Variants in SPTA1 observed in about 807,000 individuals in gnomAD.
SPTA1 encodes spectrin alpha, erythrocytic 1.
A neutral mutation model predicts 324.7 loss-of-function variants in SPTA1; 177 were observed. That is an observed-to-expected ratio of 0.55 (90% CI 0.48 to 0.62). The LOEUF (loss-of-function observed/expected upper bound fraction) is 0.62. SPTA1 is among the 20% of genes least tolerant of loss of function. The pLI is 0.00. For missense variants in SPTA1, 3,162 were observed against 2,883.6 expected, an observed-to-expected ratio of 1.10 and a Z score of -2.21; for synonymous variants, 1,195 against 1,041.3, an observed-to-expected ratio of 1.15 and a Z score of -2.84.
rs530352160 is a variant in SPTA1, at chr1:158,671,330, G to A, written c.1599+13C>T. On this transcript the variant is annotated intron_variant, in intron 12 of 51. Coordinates refer to ENST00000643759, the MANE Select transcript of SPTA1 (RefSeq NM_003126.4). ...AGAGGGAGCCAATGCCCAAACTAGG[G>A]CCAATTTCTTACTATGATCTTCTCT... is the stretch of plus-strand genomic sequence containing the variant. 14 of 1,608,730 alleles carry A rather than the reference G, an allele frequency of 8.7e-6. No individual in the cohort carries two copies. Among genetic ancestry groups the A allele is most frequent in the African/African-American group, 2.7e-5 (2 of 74,920 alleles).
chr1:158,651,246 C>G, intron 24 of SPTA1, 121 bp downstream of exon 24: 1 of 754,742 alleles, frequency 1.3e-6, no homozygotes, highest in Non-Finnish European at 2.4e-6. Flanking sequence ...TAATTCCATA[C>G]TGCTGTTACC....
In SPTA1 at chr1:158,652,749, G is replaced by T. The variant is rs375890450; in HGVS notation, c.3189-96C>A. On this transcript the variant is annotated intron_variant, in intron 22 of 51. Transcript: ENST00000643759. ...ACATAGAGAAAGAAGGAACAAAAAT[G>T]AAAGGGAAAACAAATCAAAAGCAAA... The T allele has an allele frequency of 6.4e-4, 900 of 1,400,184 alleles. 9 individuals carry two copies. In the South Asian group the frequency reaches 0.01, roughly 16 times the overall value. The allele number at this position is 1,400,184 out of a possible 1,614,324, so 86.7% of individuals were successfully genotyped here.
chr1:158,659,595 A>ATTTT lies in SPTA1; in HGVS notation c.2587+1688_2587+1691dup, dbSNP rs1177353050. ...AAAAGAAAATAATAGTCTTAGCATT[A>ATTTT]TTTTTTTTTTTTTTTTTTTTTTTTT... On this transcript the variant is annotated intron_variant, in intron 18 of 51. Transcript: ENST00000643759. Among the ~76,000 whole-genome samples the ATTTT allele has an allele frequency of 1.1e-3, 75 of 68,774 alleles. 22 individuals carry two copies. The South Asian group carries it at 0.021, about 19-fold the overall frequency. 45.1% of individuals were successfully genotyped at this position (68,774 alleles called of 152,430 possible). A position where few individuals can be genotyped will look rare whatever the true frequency, so the allele number is the denominator to read the frequency against.
Position 158,639,983 on chromosome 1 carries a change from G to A in SPTA1, c.4762C>T (p.His1588Tyr). 1 of 1,613,788 alleles carries A rather than the reference G, an allele frequency of 6.2e-7. No individual in the cohort carries two copies. The highest frequency in any genetic ancestry group is 1.1e-5 in the South Asian group (1 of 91,082). The change falls in exon 34 of 52, where the codon CAT becomes TAT. Residue 1588 changes from histidine (H) to tyrosine (Y), a missense_variant. Physicochemically the swap from His to Tyr is moderately conservative, Grantham distance 83. Transcript: ENST00000643759. ...GTTCTCTCAAGCAGATGATCCCAAT[G>A]TTCCTTCAGCTGTTCCAGTTGCTCC... ...MKEQLEQLKE[H>Y]WDHLLERTND...
rs1165876941 is a variant in SPTA1, at chr1:158,635,917, C to A, written c.5428G>T (p.Ala1810Ser). Residue 1810 changes from alanine to serine, a missense_variant, in exon 38 of 52, where the codon GCC becomes TCC. Physicochemically the swap from Ala to Ser is moderately conservative, Grantham distance 99. Transcript: ENST00000643759. The stretch of plus-strand genomic sequence containing the variant: ...GGCCTTCTGTATCCCACTCACCGGG[C>A]CTTGGCCAACTCTTTGAGCTTCTCC... Reference protein sequence around the residue: ...HWEKLKELAKARGLKLEESLE... With the variant: ...HWEKLKELAKSRGLKLEESLE... The A allele has an allele frequency of 6.2e-7, 1 of 1,614,194 alleles. No homozygotes were observed. The highest frequency in any genetic ancestry group is 1.1e-5 in the South Asian group (1 of 91,082).
intron 42 of SPTA1, 151 bp downstream of exon 42, chr1:158,625,995 A>G: frequency 3.1e-6 from 2 of 641,032 alleles, no homozygotes; most frequent in Non-Finnish European, 5.3e-6. Flanking sequence ...AGAGGGAAAA[A>G]ATAATAATTA....
In SPTA1 at chr1:158,652,512, T is replaced by C; in HGVS notation, c.3330A>G (p.Leu1110=). ...TTTTCTGCAGCTCCCAAACATCATC[T>C]AGTTCCACTCCAGTGTTTTCTGCCT... The part of the protein sequence containing the change: ...EKKAENTGVE[L]DDVWELQKKF... The change falls in exon 23 of 52, where the codon CTA becomes CTG. Residue 1110 remains leucine (L), a synonymous_variant. Coordinates refer to ENST00000643759, the MANE Select transcript of SPTA1 (RefSeq NM_003126.4). 1.2e-6 allele frequency: 2 copies of C among 1,614,208 alleles called. No homozygotes were observed. The highest frequency in any genetic ancestry group is 2.2e-5 in the East Asian group (1 of 44,882).
intron 18 of SPTA1, 33 bp downstream of exon 18, chr1:158,661,254 T>C (rs1028334078): frequency 1.2e-6 from 2 of 1,613,746 alleles, no homozygotes; most frequent in African/African-American, 1.3e-5. Flanking sequence ...GGCCTGGTGA[T>C]GTTTTGTCCA....
At position 158,681,662 on chromosome 1, in the gene SPTA1, A is replaced by G. The variant is rs1406948913; in HGVS notation, c.396T>C (p.His132=). 51 of 1,613,444 alleles carry G rather than the reference A, an allele frequency of 3.2e-5. No individual in the cohort carries two copies. In the Admixed American group the frequency reaches 7.8e-4, roughly 25 times the overall value. ...GHSAHEETKA[H]IEELRHLWDL... is the part of the protein sequence containing the mutation. The stretch of plus-strand genomic sequence containing the variant: ...CCCACAGGTGGCGTAGCTCCTCTAT[A>G]TGGGCCTTTAGGAAAGAGGGGCAAA... The change falls in exon 4 of 52, where the codon CAT becomes CAC. Residue 132 remains histidine, a synonymous_variant. Coordinates refer to ENST00000643759, the MANE Select transcript of SPTA1 (RefSeq NM_003126.4).
intron 3 of SPTA1, among the ~76,000 whole-genome samples, chr1:158,681,918 C>T (rs1365133988): frequency 6.6e-6 from 1 of 152,080 alleles, no homozygotes; most frequent in Non-Finnish European, 1.5e-5. Flanking sequence ...GGAATAATTA[C>T]AAACAATAAG....
rs2276401 is a variant in SPTA1 at position 158,654,989 on chromosome 1, T to C, written c.2899-241A>G. ...AGCAAGGAAGGAAATACATAATTTG[T>C]CAGAAACGTATTAAATGCTCTAAGC... On this transcript the variant is annotated intron_variant, in intron 20 of 51. Transcript: ENST00000643759. 0.11 allele frequency among the ~76,000 whole-genome samples: 16,230 copies of C among 152,158 alleles called. 1,137 individuals are homozygous for C. The highest frequency in any genetic ancestry group is 0.24 in the South Asian group (1,153 of 4,812).
At chr1:158,639,371 A>G (rs1364319480) in intron 35 of SPTA1, 4 of 596,010 alleles carry the variant, frequency 6.7e-6, no homozygotes, top group Non-Finnish European at 8.9e-6. Flanking sequence ...CTGGAATCTT[A>G]AAGTCTATAG....
In SPTA1 at chr1:158,620,319, C is replaced by T; in HGVS notation, c.6268G>A (p.Ala2090Thr). ...QLQKDHEDFL[A>T]SLARAQADFK... is the part of the protein sequence containing the mutation. ...TCTGCTTGAGCCCTAGCCAGGGAGG[C>T]CAAGAAGTCCTCATGGTCTTTCTGC... Residue 2090 changes from alanine (A) to threonine (T), a missense_variant, in exon 44 of 52, where the codon GCC (alanine) becomes ACC (threonine). By Grantham distance (58) the Ala-to-Thr change is moderately conservative. Transcript: ENST00000643759. 6.2e-7 allele frequency: 1 copy of T among 1,614,038 alleles called. No individual in the cohort carries two copies. The highest frequency in any genetic ancestry group is 8.5e-7 in the Non-Finnish European group (1 of 1,180,016).
chr1:158,641,173 G>T (rs1020555439), intron 33 of SPTA1, among the ~76,000 whole-genome samples: 1 of 152,180 alleles, frequency 6.6e-6, no homozygotes, highest in African/African-American at 2.4e-5. Context: ...ATGGATTAAA[G>T]ACTTAAATGT....
chr1:158,656,827 T>C lies in SPTA1; in HGVS notation c.2806-171A>G, dbSNP rs561006300. On this transcript the variant is annotated intron_variant, in intron 19 of 51. Coordinates refer to ENST00000643759, the MANE Select transcript of SPTA1 (RefSeq NM_003126.4). ...TTGCAAGCATGAAGGAAATAGGAAT[T>C]AATAAATTATAATTTCAATATGTTT... Among the ~76,000 whole-genome samples, 31 of 152,336 alleles carry C rather than the reference T, an allele frequency of 2.0e-4. No individual in the cohort carries two copies. In the South Asian group the frequency reaches 6.4e-3, roughly 32 times the overall value.
intron 23 of SPTA1, among the ~76,000 whole-genome samples, chr1:158,652,222 C>T (rs1652494120): frequency 6.6e-6 from 1 of 152,150 alleles, no homozygotes; most frequent in Non-Finnish European, 1.5e-5. Flanking sequence ...GGAAGACCAG[C>T]ACTCCAGGGA....
At chr1:158,641,585 A>G (rs1651578904) in intron 33 of SPTA1, among the ~76,000 whole-genome samples, 1 of 152,252 alleles carries the variant, frequency 6.6e-6, no homozygotes, top group African/African-American at 2.4e-5. Context: ...GTCATCAGAG[A>G]AATGCAAATC....
At chr1:158,632,731 T>C (rs1650771409) in intron 39 of SPTA1, among the ~76,000 whole-genome samples, 2 of 149,084 alleles carry the variant, frequency 1.3e-5, no homozygotes, top group Non-Finnish European at 1.5e-5. Context: ...CAAAATGATA[T>C]AGCCATACAA....
intron 46 of SPTA1, 39 bp downstream of exon 46, chr1:158,618,000 T>A (rs1557921772): frequency 6.3e-7 from 1 of 1,586,046 alleles, no homozygotes; most frequent in East Asian, 2.2e-5. Context: ...TCCATAATAA[T>A]ATAATAAAGC....
Sources: allele counts gnomAD v4.1 joint callset (sites outside exome capture counted in the v4.1 genomes callset), GRCh38; gene constraint gnomAD v4.1.1; transcripts MANE v1.5; gene names NCBI Gene and HGNC (gene_info 2026-07-23, HGNC 2026-07-21).